NAV3: variants seen among roughly 807,000 people sequenced by gnomAD.
NAV3 encodes the protein neuron navigator 3, also known as pore membrane and/or filament interacting like protein 1.
NAV3 carries 87 observed loss-of-function variants against 244.7 expected under a neutral mutation model. The ratio of observed to expected loss-of-function variants is 0.36; its 90% CI spans 0.30 to 0.42. The LOEUF (loss-of-function observed/expected upper bound fraction) is 0.42, where lower values mean the gene tolerates loss of function less well. NAV3 is among the 20% of genes least tolerant of loss of function. NAV3 has a pLI of 1.00. For synonymous variants in NAV3, 1,126 were observed against 1,042.2 expected, an observed-to-expected ratio of 1.08 and a Z score of -1.55; for missense variants, 2,663 against 2,893.3, an observed-to-expected ratio of 0.92 and a Z score of 1.83.
chr12:77,808,806 G>A (rs1049533123), intron 2 of NAV3, among the ~76,000 whole-genome samples: 1 of 152,226 alleles, frequency 6.6e-6, no homozygotes, highest in Non-Finnish European at 1.5e-5. Context: ...CTCTTTCCCA[G>A]GGAGATGGGA....
chr12:77,749,813 A>G (rs200782738), intron 2 of NAV3, among the ~76,000 whole-genome samples: 1 of 152,176 alleles, frequency 6.6e-6, no homozygotes, highest in East Asian at 1.9e-4. Context: ...TGCTCGCTGT[A>G]TATATCAGAG....
chr12:78,008,095 A>G (rs1300514010), intron 8 of NAV3, among the ~76,000 whole-genome samples: 1 of 152,206 alleles, frequency 6.6e-6, no homozygotes, highest in Non-Finnish European at 1.5e-5. Flanking sequence ...TTCAAATGTT[A>G]TTTATAAGAT....
intron 22 of NAV3, among the ~76,000 whole-genome samples, chr12:78,156,501 G>A (rs543955473): frequency 6.6e-6 from 1 of 151,928 alleles, no homozygotes; most frequent in Non-Finnish European, 1.5e-5. Context: ...TTACAATCCC[G>A]ATTTCTTTGT....
intron 2 of NAV3, among the ~76,000 whole-genome samples, chr12:77,734,844 C>T (rs974737894): frequency 1.3e-5 from 2 of 152,108 alleles, no homozygotes; most frequent in Admixed American, 1.3e-4. Context: ...AAAGTAAATA[C>T]TAGAACGCAA....
At chr12:78,088,481 T>A (rs1239544886) in intron 12 of NAV3, among the ~76,000 whole-genome samples, 1 of 152,038 alleles carries the variant, frequency 6.6e-6, no homozygotes, top group Non-Finnish European at 1.5e-5. Flanking sequence ...CACTTTCACC[T>A]TCCCTTAGTT....
intron 2 of NAV3, among the ~76,000 whole-genome samples, chr12:77,662,976 T>C (rs1272509421): frequency 6.6e-6 from 1 of 152,196 alleles, no homozygotes; most frequent in African/African-American, 2.4e-5. Flanking sequence ...TTTGATTTCA[T>C]TAAAGAAAAA....
At chr12:78,032,848 A>G (rs1040013921) in intron 9 of NAV3, among the ~76,000 whole-genome samples, 33 of 152,094 alleles carry the variant, frequency 2.2e-4, no homozygotes, top group African/African-American at 7.5e-4. Flanking sequence ...AGCGAGCCCA[A>G]ATTTTCATCC....
At chr12:77,772,324 CAAT>C (rs1870135827) in intron 2 of NAV3, among the ~76,000 whole-genome samples, 1 of 151,884 alleles carries the variant, frequency 6.6e-6, no homozygotes, top group African/African-American at 2.4e-5. Context: ...TTCAAATAAA[CAAT>C]AAAGGAAAAT....
chr12:78,052,994 G>A (rs1196369849), intron 11 of NAV3, among the ~76,000 whole-genome samples: 1 of 151,928 alleles, frequency 6.6e-6, no homozygotes, highest in Non-Finnish European at 1.5e-5. Flanking sequence ...CAAGGCAGAT[G>A]GATCGCCTGA....
intron 3 of NAV3, among the ~76,000 whole-genome samples, chr12:77,956,862 C>A (rs766429258): frequency 1.3e-5 from 2 of 152,158 alleles, no homozygotes; most frequent in African/African-American, 4.8e-5. Context: ...CCTGCCTCAG[C>A]CTCCAGAGTA....
chr12:77,961,629 TATATATTATGCA>T (rs1403905561), intron 3 of NAV3, among the ~76,000 whole-genome samples: 1 of 145,206 alleles, frequency 6.9e-6, no homozygotes, highest in African/African-American at 2.5e-5. Flanking sequence ...ATATATGTAA[TATATATTATGCA>T]ATATATTATT....
chr12:77,783,940 T>C (rs935248798), intron 2 of NAV3, among the ~76,000 whole-genome samples: 1 of 152,132 alleles, frequency 6.6e-6, no homozygotes, highest in Admixed American at 6.6e-5. Flanking sequence ...GGTAAAATTA[T>C]AGTGAGTAAA....
intron 2 of NAV3, among the ~76,000 whole-genome samples, chr12:77,753,634 C>G (rs184088720): frequency 9.9e-5 from 15 of 152,110 alleles, no homozygotes; most frequent in Non-Finnish European, 1.9e-4. Context: ...TCTCTCTTAT[C>G]CCTTGCCACA....
Position 77,960,701 on chromosome 12 carries a change from G to T in NAV3, c.415-5528G>T, listed in dbSNP as rs1392418353. Among the ~76,000 whole-genome samples, 4 of 146,258 alleles carry T rather than the reference G, an allele frequency of 2.7e-5. No individual in the cohort carries two copies. In the East Asian group the frequency reaches 7.9e-4, roughly 29 times the overall value. ...ACATATATAGTAATATATAATTAAAGTATATGCTATATATTATATATCATA... is the reference window on the plus strand; with the variant it reads ...ACATATATAGTAATATATAATTAAATTATATGCTATATATTATATATCATA... On this transcript the variant is annotated intron_variant, in intron 3 of 39. Coordinates refer to ENST00000397909, the MANE Select transcript of NAV3 (RefSeq NM_001024383.2).
At chr12:77,907,601 A>G (rs1056721495) in intron 1 of NAV3, among the ~76,000 whole-genome samples, 2 of 152,144 alleles carry the variant, frequency 1.3e-5, no homozygotes, top group African/African-American at 4.8e-5. Flanking sequence ...CTTTAGAATA[A>G]CTAAGTAGCA....
At chr12:77,981,935 T>A (rs1248431305) in intron 5 of NAV3, among the ~76,000 whole-genome samples, 3 of 152,104 alleles carry the variant, frequency 2.0e-5, no homozygotes, top group Non-Finnish European at 4.4e-5. Context: ...TTGTGATATG[T>A]TTATGTGACT....
At chr12:78,026,236 C>T (rs186226736) in intron 9 of NAV3, among the ~76,000 whole-genome samples, 24 of 152,256 alleles carry the variant, frequency 1.6e-4, no homozygotes, top group Admixed American at 4.6e-4. Flanking sequence ...GTTCTCTCCC[C>T]GGAACTCTGG....
At chr12:78,177,111 C>T in intron 26 of NAV3, 30 bp from the exon 27 acceptor site, 1 of 1,611,758 alleles carries the variant, frequency 6.2e-7, no homozygotes, top group Non-Finnish European at 8.5e-7. Flanking sequence ...TGCAAATAGA[C>T]AAGAAGGGTA....
intron 2 of NAV3, among the ~76,000 whole-genome samples, chr12:77,732,725 G>T (rs1877177306): frequency 6.6e-6 from 1 of 152,026 alleles, no homozygotes; most frequent in South Asian, 2.1e-4. Context: ...CAAGTGAGCA[G>T]TGAAGCTGAT....
Sources: allele counts gnomAD v4.1 joint callset (sites outside exome capture counted in the v4.1 genomes callset), GRCh38; gene constraint gnomAD v4.1.1; transcripts MANE v1.5; gene names NCBI Gene and HGNC (gene_info 2026-07-23, HGNC 2026-07-21).